Variants in DXO observed in about 807,000 individuals in gnomAD.
The protein encoded by DXO is decapping exoribonuclease.
In DXO, 42 loss-of-function variants were observed where a neutral mutation model predicts 39.8. That is an observed-to-expected ratio of 1.06 (90% confidence interval 0.83 to 1.37). DXO has a LOEUF of 1.37. Ranked by LOEUF, DXO falls within the 40% of genes most tolerant of loss-of-function variation. The pLI, the probability that DXO is intolerant of heterozygous loss-of-function variation, is 0.00. For missense variants in DXO, 495 were observed against 513.0 expected (o/e 0.96, Z 0.34); for synonymous variants, 193 against 200.4 (o/e 0.96, Z 0.31).
rs1773268837 is a variant in DXO at position 31,971,075 on chromosome 6, A to G, written c.429T>C (p.Tyr143=). The change falls in exon 3 of 7, where the codon TAT becomes TAC. Residue 143 remains tyrosine (Y), a synonymous_variant. Coordinates refer to ENST00000337523, the MANE Select transcript of DXO (RefSeq NM_005510.4). This position sits in a 1 kb window ranked among gnomAD's most constrained non-coding sequence, Gnocchi z 4.5. Reference sequence around the variant, plus strand: ...CCAGCTGCCAGCCCTCCTGCCGCTCATACGGTGTCGTCAGCAGTTTTGTCA... The same window carrying G: ...CCAGCTGCCAGCCCTCCTGCCGCTCGTACGGTGTCGTCAGCAGTTTTGTCA... ...GHLTKLLTTP[Y]ERQEGWQLAA... is the part of the protein sequence containing the mutation. The G allele has an allele frequency of 6.2e-7, 1 of 1,612,924 alleles. No individual in the cohort carries two copies. Among genetic ancestry groups the G allele is most frequent in the East Asian group, 2.2e-5 (1 of 44,866 alleles).
At position 31,971,951 on chromosome 6, in the gene DXO, C is replaced by A; in HGVS notation, c.-29G>T. ...TACCTCAAAGCTCCCCAACTTCCAC[C>A]TCCGCAGAGCTATGACGTCATGGCA... On this transcript the variant is annotated 5_prime_UTR_variant, in exon 1 of 7. The change creates a new upstream start codon in the 5' untranslated region. Coordinates refer to ENST00000337523, the MANE Select transcript of DXO (RefSeq NM_005510.4). The surrounding 1 kb of genome is among the most constrained non-coding windows in gnomAD (Gnocchi z 4.5). 1 of 1,558,720 alleles carries A rather than the reference C, an allele frequency of 6.4e-7. No individual in the cohort carries two copies. The highest frequency in any genetic ancestry group is 1.8e-5 in the Admixed American group (1 of 54,328).
rs747983170 is a variant in DXO, at chr6:31,970,298, TG to T, written c.948+44del. The T allele has an allele frequency of 1.2e-6, 2 of 1,613,756 alleles. No homozygotes were observed. The highest frequency in any genetic ancestry group is 1.7e-6 in the Non-Finnish European group (2 of 1,179,892). ...GCCCTGGATGCTAGACCTGTGGTCT[TG>T]GTGTTTGGGGATACGGGTGGGAGCT... On this transcript the variant is annotated intron_variant, in intron 5 of 6. Coordinates refer to ENST00000337523, the MANE Select transcript of DXO (RefSeq NM_005510.4). This position sits in a 1 kb window ranked among gnomAD's most constrained non-coding sequence, Gnocchi z 4.0.
rs372621569 is a variant in DXO at position 31,970,975 on chromosome 6, G to A, written c.529C>T (p.Arg177Trp). 1.3e-5 allele frequency: 21 copies of A among 1,612,996 alleles called. No individual in the cohort carries two copies. In the East Asian group the frequency reaches 1.8e-4, roughly 14 times the overall value. The change falls in exon 3 of 7, where the codon CGG becomes TGG. Residue 177 changes from arginine (R) to tryptophan (W), a missense_variant. Transcript: ENST00000337523. This position sits in a 1 kb window ranked among gnomAD's most constrained non-coding sequence, Gnocchi z 4.0. The stretch of plus-strand genomic sequence containing the variant: ...ATAAGCTCCCGGAGGAGCGGTGGCC[G>A]AGCAAGCCTCTGGGCCCGAGCGTTC... ...TPNARAQRLA[R>W]PPLLRELMYM...
chr6:31,971,633 CCT>C lies in DXO; in HGVS notation c.41_42del (p.Glu14GlyfsTer3), dbSNP rs773601388. On this transcript the variant is annotated frameshift_variant, in exon 2 of 7. Coordinates refer to ENST00000337523, the MANE Select transcript of DXO (RefSeq NM_005510.4). LOFTEE classifies it high-confidence loss of function. The surrounding 1 kb of genome is among the most constrained non-coding windows in gnomAD (Gnocchi z 4.5). Reference sequence around the variant, plus strand: ...GGTAGTTTGTTCCGAGGCTCAGCTACCTCTGTCTTCTCAGCTCCTCTCTTGGT... The same window carrying C: ...GGTAGTTTGTTCCGAGGCTCAGCTACCTGTCTTCTCAGCTCCTCTCTTGGT... ...RGTKRGAEKT[E>X]VAEPRNKLPR... 1 of 1,611,352 alleles carries C rather than the reference CCT, an allele frequency of 6.2e-7. No homozygotes were observed. Among genetic ancestry groups the C allele is most frequent in the South Asian group, 1.1e-5 (1 of 91,080 alleles).
In DXO at chr6:31,971,573, G is replaced by C; in HGVS notation, c.103C>G (p.Leu35Val). 6.2e-7 allele frequency: 1 copy of C among 1,614,086 alleles called. No individual in the cohort carries two copies. Among genetic ancestry groups the C allele is most frequent in the Non-Finnish European group, 8.5e-7 (1 of 1,180,038 alleles). ...PAPSLPTDPA[L>V]YSGPFPFYRR... ...TAGAAAGGAAAGGGCCCAGAGTAGA[G>C]GGCAGGGTCTGTGGGCAGAGAAGGT... Residue 35 changes from leucine to valine, a missense_variant, in exon 2 of 7, where the codon CTC (leucine) becomes GTC (valine). Leu to Val is a conservative substitution (Grantham distance 32). Coordinates refer to ENST00000337523, the MANE Select transcript of DXO (RefSeq NM_005510.4). The surrounding 1 kb of genome is among the most constrained non-coding windows in gnomAD (Gnocchi z 4.5).
Position 31,971,697 on chromosome 6 carries a change from G to T in DXO, c.-6-16C>A. The T allele has an allele frequency of 6.3e-7, 1 of 1,585,912 alleles. No individual in the cohort carries two copies. The highest frequency in any genetic ancestry group is 8.5e-7 in the Non-Finnish European group (1 of 1,170,248). On this transcript the variant is annotated splice_polypyrimidine_tract_variant and intron_variant, in intron 1 of 6. Transcript: ENST00000337523. This position sits in a 1 kb window ranked among gnomAD's most constrained non-coding sequence, Gnocchi z 4.5. ...CCATGAGGTCCTAAGACAAGCAGGGGTACAGAGTTTCCATTCTACAGAGGA... is the reference window on the plus strand; with the variant it reads ...CCATGAGGTCCTAAGACAAGCAGGGTTACAGAGTTTCCATTCTACAGAGGA...
In DXO at chr6:31,970,208, A is replaced by C. The variant is rs1773132786; in HGVS notation, c.949-5T>G. ...ATTCCAGCCGTCACGGTCATTCTGG[A>C]GCAGGCAGAGGAGGAGGCAGAAGAT... On this transcript the variant is annotated splice_region_variant and splice_polypyrimidine_tract_variant and intron_variant, in intron 5 of 6. Coordinates refer to ENST00000337523, the MANE Select transcript of DXO (RefSeq NM_005510.4). The surrounding 1 kb of genome is among the most constrained non-coding windows in gnomAD (Gnocchi z 4.0). 1.9e-6 allele frequency: 3 copies of C among 1,613,874 alleles called. No individual in the cohort carries two copies. Among genetic ancestry groups the C allele is most frequent in the Non-Finnish European group, 2.5e-6 (3 of 1,179,994 alleles).
At position 31,970,589 on chromosome 6, in the gene DXO, C is replaced by G; in HGVS notation, c.812+17G>C. ...CTTCAAGCCTAAGCTCTCGCCCTGCCCACCCCGATCCTGAACCTGTAGAAA... is the reference window on the plus strand; with the variant it reads ...CTTCAAGCCTAAGCTCTCGCCCTGCGCACCCCGATCCTGAACCTGTAGAAA... On this transcript the variant is annotated intron_variant, in intron 4 of 6. Coordinates refer to ENST00000337523, the MANE Select transcript of DXO (RefSeq NM_005510.4). The surrounding 1 kb of genome is among the most constrained non-coding windows in gnomAD (Gnocchi z 4.0). 1 of 1,612,862 alleles carries G rather than the reference C, an allele frequency of 6.2e-7. No homozygotes were observed.
In DXO at chr6:31,970,134, T is replaced by G. The variant is rs751870436; in HGVS notation, c.1018A>C (p.Ser340Arg). 1 of 1,613,666 alleles carries G rather than the reference T, an allele frequency of 6.2e-7. No individual in the cohort carries two copies. The highest frequency in any genetic ancestry group is 8.5e-7 in the Non-Finnish European group (1 of 1,180,030). The change falls in exon 6 of 7, where the codon AGC becomes CGC. Residue 340 changes from serine to arginine, a missense_variant. Ser to Arg is a moderately radical substitution (Grantham distance 110). Transcript: ENST00000337523. This position sits in a 1 kb window ranked among gnomAD's most constrained non-coding sequence, Gnocchi z 4.0. ...FCAAFLSFAQ[S>R]TVVQDDPRLV... The stretch of plus-strand genomic sequence containing the variant: ...CTGGGGTCATCCTGGACAACCGTGC[T>G]CTGGGCAAAGCTAAGGAAGGCGGCA...
chr6:31,970,622 A>G lies in DXO; in HGVS notation c.796T>C (p.Trp266Arg), dbSNP rs146292178. 147 of 1,612,938 alleles carry G rather than the reference A, an allele frequency of 9.1e-5. No homozygotes were observed. Among genetic ancestry groups the G allele is most frequent in the Non-Finnish European group, 1.2e-4 (139 of 1,179,864 alleles). Residue 266 changes from tryptophan (W) to arginine (R), a missense_variant, in exon 4 of 7, where the codon TGG becomes CGG. By Grantham distance (101) the Trp-to-Arg change is moderately radical. Coordinates refer to ENST00000337523, the MANE Select transcript of DXO (RefSeq NM_005510.4). The surrounding 1 kb of genome is among the most constrained non-coding windows in gnomAD (Gnocchi z 4.0). Reference protein sequence around the residue: ...TSKEMHSPGQWRSFYRHKLLK... With the variant: ...TSKEMHSPGQRRSFYRHKLLK... ...ATCCTGAACCTGTAGAAACTCCTCC[A>G]TTGGCCAGGGCTGTGCATCTCCTTG...
chr6:31,971,836 T>A lies in DXO; in HGVS notation c.-7+93A>T. 7.5e-7 allele frequency: 1 copy of A among 1,341,004 alleles called. No individual in the cohort carries two copies. Among genetic ancestry groups the A allele is most frequent in the Non-Finnish European group, 9.9e-7 (1 of 1,005,466 alleles). 83.1% of individuals were successfully genotyped at this position (1,341,004 alleles called of 1,614,324 possible). A position where few individuals can be genotyped will look rare whatever the true frequency, so the allele number is the denominator to read the frequency against. ...ACCGCGGCCAAGCTCTCATCCTGCC[T>A]CTTTCCTTGCCCTTCACCCACCCTC... is the stretch of plus-strand genomic sequence containing the variant. On this transcript the variant is annotated intron_variant, in intron 1 of 6. Coordinates refer to ENST00000337523, the MANE Select transcript of DXO (RefSeq NM_005510.4). The surrounding 1 kb of genome is among the most constrained non-coding windows in gnomAD (Gnocchi z 4.5).
rs768006071 is a variant in DXO, at chr6:31,971,405, G to C, written c.271C>G (p.Arg91Gly). Reference protein sequence around the residue: ...NFDLRDGYPDRYQPRDEEVQE... With the variant: ...NFDLRDGYPDGYQPRDEEVQE... ...ACCTCCTCGTCCCGGGGCTGGTATC[G>C]ATCCGGGTATCCGTCTCTGAGGTCA... Residue 91 changes from arginine to glycine, a missense_variant, in exon 2 of 7, where the codon CGA becomes GGA. Arg to Gly is a moderately radical substitution (Grantham distance 125). Coordinates refer to ENST00000337523, the MANE Select transcript of DXO (RefSeq NM_005510.4). This position sits in a 1 kb window ranked among gnomAD's most constrained non-coding sequence, Gnocchi z 4.5. 1.9e-6 allele frequency: 3 copies of C among 1,601,502 alleles called. No homozygotes were observed. The highest frequency in any genetic ancestry group is 1.7e-5 in the Admixed American group (1 of 59,324).
Position 31,970,288 on chromosome 6 carries a change from C to T in DXO, c.948+55G>A, listed in dbSNP as rs1055699968. 1.2e-6 allele frequency: 2 copies of T among 1,613,762 alleles called. No homozygotes were observed. Among genetic ancestry groups the T allele is most frequent in the African/African-American group, 1.3e-5 (1 of 74,830 alleles). On this transcript the variant is annotated intron_variant, in intron 5 of 6. Coordinates refer to ENST00000337523, the MANE Select transcript of DXO (RefSeq NM_005510.4). This position sits in a 1 kb window ranked among gnomAD's most constrained non-coding sequence, Gnocchi z 4.0. The stretch of plus-strand genomic sequence containing the variant: ...GCAGGCTGTTGCCCTGGATGCTAGA[C>T]CTGTGGTCTTGGTGTTTGGGGATAC...
rs1420391834 is a variant in DXO at position 31,969,983 on chromosome 6, G to GT, written c.1084dup (p.Thr362AsnfsTer40). The GT allele has an allele frequency of 6.2e-7, 1 of 1,614,060 alleles. No individual in the cohort carries two copies. The highest frequency in any genetic ancestry group is 2.2e-5 in the East Asian group (1 of 44,866). ...AGGTGCATCTTGGTGTACAGACACG[G>GT]TGACTGGGCCGCCAGGCTCCCAAGA... On this transcript the variant is annotated frameshift_variant, in exon 7 of 7. Coordinates refer to ENST00000337523, the MANE Select transcript of DXO (RefSeq NM_005510.4). LOFTEE classifies it high-confidence loss of function. This position sits in a 1 kb window ranked among gnomAD's most constrained non-coding sequence, Gnocchi z 6.1.
chr6:31,970,912 C>T lies in DXO; in HGVS notation c.592G>A (p.Asp198Asn), dbSNP rs899467834. Residue 198 changes from aspartate (D) to asparagine (N), a missense_variant and splice_region_variant, in exon 3 of 7, where the codon GAC (aspartate) becomes AAC (asparagine). Asp to Asn is a conservative substitution (Grantham distance 23). Coordinates refer to ENST00000337523, the MANE Select transcript of DXO (RefSeq NM_005510.4). This position sits in a 1 kb window ranked among gnomAD's most constrained non-coding sequence, Gnocchi z 4.0. ...GGGCTATGAAGCAGGGGCAACTCACCTGCACACATGTACTGCTCAAATTTG... is the reference window on the plus strand; with the variant it reads ...GGGCTATGAAGCAGGGGCAACTCACTTGCACACATGTACTGCTCAAATTTG... ...GYKFEQYMCA[D>N]KPGSSPDPSG... 4 of 1,611,264 alleles carry T rather than the reference C, an allele frequency of 2.5e-6. No homozygotes were observed. The highest frequency in any genetic ancestry group is 3.4e-6 in the Non-Finnish European group (4 of 1,178,586).
chr6:31,971,417 C>G lies in DXO; in HGVS notation c.259G>C (p.Gly87Arg). 1 of 1,606,798 alleles carries G rather than the reference C, an allele frequency of 6.2e-7. No homozygotes were observed. The highest frequency in any genetic ancestry group is 8.5e-7 in the Non-Finnish European group (1 of 1,174,536). The change falls in exon 2 of 7, where the codon GGA becomes CGA. Residue 87 changes from glycine to arginine, a missense_variant. Physicochemically the swap from Gly to Arg is moderately radical, Grantham distance 125. Coordinates refer to ENST00000337523, the MANE Select transcript of DXO (RefSeq NM_005510.4). This position sits in a 1 kb window ranked among gnomAD's most constrained non-coding sequence, Gnocchi z 4.5. ...GPGPNFDLRD[G>R]YPDRYQPRDE... ...CGGGGCTGGTATCGATCCGGGTATC[C>G]GTCTCTGAGGTCAAAGTTGGGGCCT... is the stretch of plus-strand genomic sequence containing the variant.
At position 31,971,917 on chromosome 6, in the gene DXO, G is replaced by T; in HGVS notation, c.-7+12C>A. ...GGAAGGACGTCTGCGCTCAGATCAA[G>T]AATCCAGTTACCTCAAAGCTCCCCA... On this transcript the variant is annotated intron_variant, in intron 1 of 6. Coordinates refer to ENST00000337523, the MANE Select transcript of DXO (RefSeq NM_005510.4). The surrounding 1 kb of genome is among the most constrained non-coding windows in gnomAD (Gnocchi z 4.5). The T allele has an allele frequency of 6.5e-7, 1 of 1,533,046 alleles. No individual in the cohort carries two copies. The allele number at this position is 1,533,046 out of a possible 1,614,324, so 95.0% of individuals were successfully genotyped here.
rs772032610 is a variant in DXO at position 31,971,031 on chromosome 6, C to T, written c.473G>A (p.Gly158Glu). The change falls in exon 3 of 7, where the codon GGA (glycine) becomes GAA (glutamate). Residue 158 changes from glycine to glutamate, a missense_variant. Gly to Glu is a moderately conservative substitution (Grantham distance 98, BLOSUM62 -2). Coordinates refer to ENST00000337523, the MANE Select transcript of DXO (RefSeq NM_005510.4). The surrounding 1 kb of genome is among the most constrained non-coding windows in gnomAD (Gnocchi z 4.5). ...CTCCACTTCACTCAGGTATAGTGTT[C>T]CCTGGAACCGGGAGGCTGCCAGCTG... ...GWQLAASRFQ[G>E]TLYLSEVETP... The T allele has an allele frequency of 3.7e-6, 6 of 1,612,892 alleles. No individual in the cohort carries two copies. In the African/African-American group the frequency reaches 5.3e-5, roughly 14 times the overall value.
In DXO at chr6:31,971,662, C is replaced by T; in HGVS notation, c.14G>A (p.Gly5Glu). 1 of 1,605,676 alleles carries T rather than the reference C, an allele frequency of 6.2e-7. No individual in the cohort carries two copies. The highest frequency in any genetic ancestry group is 8.5e-7 in the Non-Finnish European group (1 of 1,179,314). MDPR[G>E]TKRGAEKTEV... ...TGTCTTCTCAGCTCCTCTCTTGGTC[C>T]CCCTGGGATCCATGAGGTCCTAAGA... Residue 5 changes from glycine (G) to glutamate (E), a missense_variant, in exon 2 of 7, where the codon GGG (glycine) becomes GAG (glutamate). Coordinates refer to ENST00000337523, the MANE Select transcript of DXO (RefSeq NM_005510.4). The surrounding 1 kb of genome is among the most constrained non-coding windows in gnomAD (Gnocchi z 4.5).
Sources: allele counts gnomAD v4.1 joint callset, GRCh38; gene constraint gnomAD v4.1.1; non-coding constraint Gnocchi (gnomAD v3.1); transcripts MANE v1.5; gene names NCBI Gene and HGNC (gene_info 2026-07-23, HGNC 2026-07-21).